Variants in LUZP2 observed in about 807,000 individuals in gnomAD.
LUZP2 encodes leucine zipper protein 2.
Under a neutral mutation model 51.6 loss-of-function variants are expected in LUZP2, and 52 were observed. The ratio of observed to expected loss-of-function variants is 1.01; its 90% CI spans 0.81 to 1.27. The LOEUF (loss-of-function observed/expected upper bound fraction) is 1.27. Among genes scored for constraint, LUZP2 ranks in the 50% most tolerant of loss-of-function variants. The probability of loss-of-function intolerance (pLI) is 0.00; values close to 1 mark genes in which losing one functional copy is unlikely to be tolerated. For synonymous variants in LUZP2, 154 were observed against 137.3 expected, an observed-to-expected ratio of 1.12 and a Z score of -0.85; for missense variants, 436 against 395.4, an observed-to-expected ratio of 1.10 and a Z score of -0.87.
chr11:24,651,940 C>A (rs781156006), intron 1 of LUZP2, among the ~76,000 whole-genome samples: 11 of 151,952 alleles, frequency 7.2e-5, no homozygotes, highest in Non-Finnish European at 1.6e-4. Context: ...GCAATTCCCT[C>A]GGCCAGTTCT....
chr11:24,854,503 C>T (rs1378846358), intron 5 of LUZP2, among the ~76,000 whole-genome samples: 1 of 152,150 alleles, frequency 6.6e-6, no homozygotes, highest in Non-Finnish European at 1.5e-5. Context: ...TGTCTTCAGA[C>T]TGTTGTGCTG....
intron 5 of LUZP2, among the ~76,000 whole-genome samples, chr11:24,870,886 A>G (rs1852049572): frequency 6.6e-6 from 1 of 152,082 alleles, no homozygotes; most frequent in African/African-American, 2.4e-5. Flanking sequence ...ATGTAAGGAG[A>G]AAAATGAGGA....
chr11:24,995,616 A>T (rs1248032001), intron 9 of LUZP2, among the ~76,000 whole-genome samples: 1 of 151,848 alleles, frequency 6.6e-6, no homozygotes, highest in Admixed American at 6.6e-5. Flanking sequence ...AGATTTTTAA[A>T]TTTAGTAGAT....
intron 1 of LUZP2, among the ~76,000 whole-genome samples, chr11:24,716,730 T>C (rs1362977155): frequency 6.6e-6 from 1 of 151,962 alleles, no homozygotes. Context: ...ACCCTATCTG[T>C]ACTAAAAATA....
chr11:24,932,315 T>A (rs932740928), intron 7 of LUZP2, among the ~76,000 whole-genome samples: 2 of 152,184 alleles, frequency 1.3e-5, no homozygotes, highest in African/African-American at 4.8e-5. Context: ...TAGGGTCTCC[T>A]GGAGAATATT....
intron 7 of LUZP2, among the ~76,000 whole-genome samples, chr11:24,920,444 T>C (rs1413382038): frequency 1.3e-5 from 2 of 152,010 alleles, no homozygotes; most frequent in African/African-American, 4.8e-5. Context: ...CTGTTGGGTA[T>C]CTACTCCCCC....
intron 5 of LUZP2, among the ~76,000 whole-genome samples, chr11:24,894,234 A>C (rs1717018074): frequency 6.8e-6 from 1 of 146,050 alleles, no homozygotes; most frequent in Non-Finnish European, 1.5e-5. Flanking sequence ...GAGTGCAATG[A>C]CATGGTCTTG....
intron 5 of LUZP2, among the ~76,000 whole-genome samples, chr11:24,895,247 A>T (rs1035692842): frequency 1.3e-5 from 2 of 152,186 alleles, no homozygotes; most frequent in Admixed American, 1.3e-4. Context: ...TCGCTCTTGG[A>T]AGAACCCAGC....
chr11:24,955,817 A>T (rs1299046340), intron 7 of LUZP2, among the ~76,000 whole-genome samples: 1 of 152,086 alleles, frequency 6.6e-6, no homozygotes, highest in East Asian at 1.9e-4. Flanking sequence ...TTAAAATCTC[A>T]AACTGAAGAT....
intron 4 of LUZP2, among the ~76,000 whole-genome samples, chr11:24,755,207 T>C (rs188042131): frequency 1.3e-5 from 2 of 152,196 alleles, no homozygotes; most frequent in Admixed American, 6.5e-5. Flanking sequence ...TCACTATCCA[T>C]TTTAGTAAAG....
In LUZP2 at chr11:25,050,199, C is replaced by A; in HGVS notation, c.858+69C>A. On this transcript the variant is annotated intron_variant, in intron 10 of 11. Transcript: ENST00000336930. ...AAAAAGCACAAGCATTTTAGCAATT[C>A]TAATTCATGCCACCATGAAACTATT... is the stretch of plus-strand genomic sequence containing the variant. 8.5e-6 allele frequency: 6 copies of A among 707,554 alleles called. No homozygotes were observed. The South Asian group carries it at 1.2e-4, about 14-fold the overall frequency. 43.8% of individuals were successfully genotyped at this position (707,554 alleles called of 1,614,324 possible).
chr11:24,530,439 A>T (rs1336916607), intron 1 of LUZP2, among the ~76,000 whole-genome samples: 1 of 151,044 alleles, frequency 6.6e-6, no homozygotes, highest in Middle Eastern at 3.4e-3. Flanking sequence ...ACACATACAT[A>T]TACATATATG....
intron 4 of LUZP2, among the ~76,000 whole-genome samples, chr11:24,754,900 T>A (rs1176219337): frequency 3.3e-5 from 5 of 152,158 alleles, no homozygotes; most frequent in Non-Finnish European, 5.9e-5. Flanking sequence ...AATCCCAGCA[T>A]TTTGCGGGGG....
At chr11:24,905,280 C>G (rs1175175816) in intron 5 of LUZP2, among the ~76,000 whole-genome samples, 1 of 152,118 alleles carries the variant, frequency 6.6e-6, no homozygotes, top group African/African-American at 2.4e-5. Context: ...AATCCCAGCA[C>G]TTTGTGAGGC....
intron 1 of LUZP2, among the ~76,000 whole-genome samples, chr11:24,591,595 G>A (rs937257131): frequency 1.3e-4 from 20 of 152,284 alleles, no homozygotes; most frequent in African/African-American, 4.1e-4. Context: ...CTGTTAATAT[G>A]CTTCTTGAAG....
At chr11:24,529,011 G>T (rs540728488) in intron 1 of LUZP2, among the ~76,000 whole-genome samples, 1 of 150,912 alleles carries the variant, frequency 6.6e-6, no homozygotes, top group Non-Finnish European at 1.5e-5. Context: ...TAGATTTAGC[G>T]CAAAACCTAT....
intron 5 of LUZP2, among the ~76,000 whole-genome samples, chr11:24,777,094 A>G (rs1248826233): frequency 6.7e-6 from 1 of 150,256 alleles, no homozygotes. Context: ...TCCCGGGTTC[A>G]TGCCATTCTC....
intron 1 of LUZP2, among the ~76,000 whole-genome samples, chr11:24,576,412 C>CA (rs10549188): frequency 8.0e-4 from 60 of 75,134 alleles, no homozygotes; most frequent in Admixed American, 1.9e-3. Flanking sequence ...GACTCCATCT[C>CA]AAAAAAAAAA....
intron 5 of LUZP2, among the ~76,000 whole-genome samples, chr11:24,825,771 T>G (rs535438663): frequency 1.3e-5 from 2 of 152,282 alleles, no homozygotes; most frequent in South Asian, 4.1e-4. Flanking sequence ...ATTTTTCTCC[T>G]TCTTGAATGG....
Sources: allele counts gnomAD v4.1 joint callset (sites outside exome capture counted in the v4.1 genomes callset), GRCh38; gene constraint gnomAD v4.1.1; transcripts MANE v1.5; gene names NCBI Gene and HGNC (gene_info 2026-07-23, HGNC 2026-07-21).